IPO5: variants seen among roughly 807,000 people sequenced by gnomAD.
IPO5 encodes importin 5.
A neutral mutation model predicts 143.3 loss-of-function variants in IPO5; 18 were observed. That is an observed-to-expected ratio of 0.13 (90% CI 0.09 to 0.19). IPO5 has a LOEUF of 0.19. Among genes scored for constraint, IPO5 ranks in the 10% least tolerant of loss-of-function variants. The pLI is 1.00. For missense variants in IPO5, 1,013 were observed against 1,336.9 expected (o/e 0.76, Z 3.78); for synonymous variants, 477 against 465.7 (o/e 1.02, Z -0.31).
intron 2 of IPO5, among the ~76,000 whole-genome samples, chr13:97,957,301 G>A (rs931751048): frequency 2.6e-5 from 4 of 151,972 alleles, no homozygotes; most frequent in East Asian, 1.9e-4. Context: ...AGGTTCAAGC[G>A]ATTCTCCCAC....
intron 2 of IPO5, among the ~76,000 whole-genome samples, chr13:97,964,509 G>A (rs9517148): frequency 8.5e-4 from 123 of 144,446 alleles, no homozygotes; most frequent in Middle Eastern, 3.8e-3. Flanking sequence ...GTGCAGTGGC[G>A]CGATCTCGGC....
At chr13:97,965,284 C>A (rs538181371) in intron 2 of IPO5, among the ~76,000 whole-genome samples, 1 of 152,148 alleles carries the variant, frequency 6.6e-6, no homozygotes, top group South Asian at 2.1e-4. Context: ...GTGCAGCAAA[C>A]CACCATGGCA....
In IPO5 at chr13:98,021,042, T is replaced by G. The variant is rs1427583213; in HGVS notation, c.3116T>G (p.Phe1039Cys). 1 of 1,611,556 alleles carries G rather than the reference T, an allele frequency of 6.2e-7. No individual in the cohort carries two copies. The highest frequency in any genetic ancestry group is 1.7e-5 in the Admixed American group (1 of 59,532). The change falls in exon 28 of 29, where the codon TTT (phenylalanine) becomes TGT (cysteine). Residue 1039 changes from phenylalanine (F) to cysteine (C), a missense_variant. Physicochemically the swap from Phe to Cys is radical, Grantham distance 205 (BLOSUM62 -2). Around this residue, in one of 2 missense-constraint regions of IPO5, gnomAD observed 685 missense variants for 994.9 expected, o/e 0.69. Transcript: ENST00000651721. ...AACAATACCAATCTGCCCAAAATAT[T>G]TAGTATAATTGCGGAAGGAGAAATG... ...GPNNTNLPKI[F>C]SIIAEGEMHE...
At position 97,991,053 on chromosome 13, in the gene IPO5, GA is replaced by G. The variant is rs527638564; in HGVS notation, c.669+523del. On this transcript the variant is annotated intron_variant, in intron 9 of 28. Transcript: ENST00000651721. ...GGCAACTTGAATCTATGCTCCTGGGGAAAAAAATTTTATATTAATTAAAATT... is the reference window on the plus strand; with the variant it reads ...GGCAACTTGAATCTATGCTCCTGGGGAAAAAATTTTATATTAATTAAAATT... Among the ~76,000 whole-genome samples, 70 of 152,094 alleles carry G rather than the reference GA, an allele frequency of 4.6e-4. 1 individual carries two copies. The East Asian group carries it at 0.013, about 29-fold the overall frequency.
At position 98,016,729 on chromosome 13, in the gene IPO5, G is replaced by T; in HGVS notation, c.2494G>T (p.Asp832Tyr). Residue 832 changes from aspartate to tyrosine, a missense_variant and splice_region_variant, in exon 25 of 29, where the codon GAT (aspartate) becomes TAT (tyrosine). Asp to Tyr is a radical substitution (Grantham distance 160). Around this residue, in one of 2 missense-constraint regions of IPO5, gnomAD observed 685 missense variants for 994.9 expected, o/e 0.69. Transcript: ENST00000651721. ...GTGTTTATGTGTATGTTTTTTTTAG[G>T]ATGATAATGATGTTTATATTCTGAC... ...EQVEESLQDE[D>Y]DNDVYILTKV... The T allele has an allele frequency of 1.4e-6, 2 of 1,391,888 alleles. No individual in the cohort carries two copies. The highest frequency in any genetic ancestry group is 9.7e-7 in the Non-Finnish European group (1 of 1,026,496). The allele number at this position is 1,391,888 out of a possible 1,614,324, so 86.2% of individuals were successfully genotyped here.
intron 2 of IPO5, among the ~76,000 whole-genome samples, 163 bp downstream of exon 2, chr13:97,954,361 T>C (rs957272770): frequency 6.6e-6 from 1 of 152,164 alleles, no homozygotes; most frequent in Non-Finnish European, 1.5e-5. Flanking sequence ...ATCCAACCCA[T>C]CAGGATTATC....
At position 98,016,724 on chromosome 13, in the gene IPO5, T is replaced by C. The variant is rs768342907; in HGVS notation, c.2494-5T>C. On this transcript the variant is annotated splice_region_variant and splice_polypyrimidine_tract_variant and intron_variant, in intron 24 of 28. Coordinates refer to ENST00000651721, the MANE Select transcript of IPO5 (RefSeq NM_002271.6). The stretch of plus-strand genomic sequence containing the variant: ...TATGAGTGTTTATGTGTATGTTTTT[T>C]TTAGGATGATAATGATGTTTATATT... The C allele has an allele frequency of 2.2e-5, 31 of 1,385,372 alleles. No individual in the cohort carries two copies. In the East Asian group the frequency reaches 5.4e-4, roughly 24 times the overall value. The allele number at this position is 1,385,372 out of a possible 1,614,324, so 85.8% of individuals were successfully genotyped here. A position where few individuals can be genotyped will look rare whatever the true frequency, so the allele number is the denominator to read the frequency against.
intron 18 of IPO5, among the ~76,000 whole-genome samples, chr13:98,009,287 T>C (rs1594116785): frequency 6.6e-6 from 1 of 152,204 alleles, no homozygotes. Context: ...ACTTTCTAGG[T>C]TGCAGGGGTG....
intron 3 of IPO5, 55 bp downstream of exon 3, chr13:97,969,885 G>A: frequency 1.4e-6 from 2 of 1,397,038 alleles, no homozygotes; most frequent in Non-Finnish European, 2.0e-6. Flanking sequence ...TTTTAAAAGA[G>A]ACAAGGTCTC....
At chr13:98,011,235 A>G (rs1413913426) in intron 20 of IPO5, among the ~76,000 whole-genome samples, 1 of 152,100 alleles carries the variant, frequency 6.6e-6, no homozygotes, top group Non-Finnish European at 1.5e-5. Flanking sequence ...TAATCTTTAG[A>G]TGTAGTAGAA....
intron 18 of IPO5, among the ~76,000 whole-genome samples, chr13:98,008,663 C>G (rs898994248): frequency 1.3e-5 from 2 of 152,134 alleles, no homozygotes; most frequent in East Asian, 1.9e-4. Context: ...TCGACACACA[C>G]GCACATACAC....
At chr13:97,977,612 C>T (rs1594047585) in intron 4 of IPO5, among the ~76,000 whole-genome samples, 1 of 152,046 alleles carries the variant, frequency 6.6e-6, no homozygotes, top group African/African-American at 2.4e-5. Context: ...TTTCAAACCA[C>T]CTCTTGTTCC....
intron 20 of IPO5, among the ~76,000 whole-genome samples, chr13:98,010,780 CTTT>C (rs71117688): frequency 4.3e-5 from 3 of 70,026 alleles, no homozygotes; most frequent in African/African-American, 9.5e-5. Context: ...AAGGATAATC[CTTT>C]TTTTTTTTTT....
At chr13:97,999,435 G>A (rs950866301) in intron 12 of IPO5, among the ~76,000 whole-genome samples, 18 of 152,018 alleles carry the variant, frequency 1.2e-4, no homozygotes, top group African/African-American at 3.9e-4. Context: ...CCTTTCATTT[G>A]CCCTGCAAAT....
At position 98,021,024 on chromosome 13, in the gene IPO5, C is replaced by T. The variant is rs144748695; in HGVS notation, c.3098C>T (p.Thr1033Ile). The T allele has an allele frequency of 4.2e-5, 67 of 1,609,338 alleles. No individual in the cohort carries two copies. Among genetic ancestry groups the T allele is most frequent in the Non-Finnish European group, 5.5e-5 (65 of 1,178,152 alleles). Residue 1033 changes from threonine to isoleucine, a missense_variant, in exon 28 of 29, where the codon ACC (threonine) becomes ATC (isoleucine). Coordinates refer to ENST00000651721, the MANE Select transcript of IPO5 (RefSeq NM_002271.6). ...NHPIVLGPNN[T>I]NLPKIFSIIA... ...CCAATTGTTCTTGGCCCAAACAATA[C>T]CAATCTGCCCAAAATATTTAGTATA... is the stretch of plus-strand genomic sequence containing the variant.
rs577408887 is a variant in IPO5 at position 98,006,941 on chromosome 13, C to T, written c.1716+593C>T. Among the ~76,000 whole-genome samples the T allele has an allele frequency of 2.0e-5, 3 of 150,068 alleles. No individual in the cohort carries two copies. In the South Asian group the frequency reaches 6.4e-4, roughly 32 times the overall value. On this transcript the variant is annotated intron_variant, in intron 17 of 28. Coordinates refer to ENST00000651721, the MANE Select transcript of IPO5 (RefSeq NM_002271.6). ...AGTGCAGTGGCATGATCCTGGCTCACTGCAACCTCTGCCTCCTGGGTTCAA... is the reference window on the plus strand; with the variant it reads ...AGTGCAGTGGCATGATCCTGGCTCATTGCAACCTCTGCCTCCTGGGTTCAA...
At chr13:98,015,436 T>G in intron 22 of IPO5, 94 bp from the exon 23 acceptor site, 2 of 699,266 alleles carry the variant, frequency 2.9e-6, no homozygotes, top group Non-Finnish European at 5.1e-6. Flanking sequence ...TACTGAACTG[T>G]GTTCATTTTT....
At position 97,985,593 on chromosome 13, in the gene IPO5, A is replaced by G. The variant is rs1331737843; in HGVS notation, c.344A>G (p.Glu115Gly). 6 of 1,613,884 alleles carry G rather than the reference A, an allele frequency of 3.7e-6. No individual in the cohort carries two copies. The highest frequency in any genetic ancestry group is 5.1e-6 in the Non-Finnish European group (6 of 1,179,856). The change falls in exon 6 of 29, where the codon GAA becomes GGA. Residue 115 changes from glutamate (E) to glycine (G), a missense_variant. Around this residue, in one of 2 missense-constraint regions of IPO5, gnomAD observed 328 missense variants for 342.0 expected, o/e 0.96. Coordinates refer to ENST00000651721, the MANE Select transcript of IPO5 (RefSeq NM_002271.6). The stretch of plus-strand genomic sequence containing the variant: ...AAAAAAGTTTGTGATATTGCGGCAG[A>G]ACTGGCCAGGAATTTAATAGGTGTG... ...MRKKVCDIAA[E>G]LARNLIDEDG...
At chr13:97,989,420 T>G (rs1373345194) in intron 7 of IPO5, among the ~76,000 whole-genome samples, 1 of 152,194 alleles carries the variant, frequency 6.6e-6, no homozygotes, top group Non-Finnish European at 1.5e-5. Context: ...CTGAAAGTTT[T>G]ATTGAACAGT....
Sources: allele counts gnomAD v4.1 joint callset (sites outside exome capture counted in the v4.1 genomes callset), GRCh38; gene constraint gnomAD v4.1.1; regional missense constraint gnomAD v4.1.1; transcripts MANE v1.5; gene names NCBI Gene and HGNC (gene_info 2026-07-23, HGNC 2026-07-21).